Variants in NBAS observed in about 807,000 individuals in gnomAD.
NBAS encodes NBAS subunit of NRZ tethering complex.
In NBAS, 219 loss-of-function variants were observed where a neutral mutation model predicts 302.5. The ratio of observed to expected loss-of-function variants is 0.72; its 90% CI spans 0.65 to 0.81. The LOEUF (loss-of-function observed/expected upper bound fraction) is 0.81. NBAS is among the 30% of genes least tolerant of loss of function. The probability of loss-of-function intolerance (pLI) is 0.00; values close to 1 mark genes in which losing one functional copy is unlikely to be tolerated. For missense variants in NBAS, 2,932 were observed against 2,841.6 expected (o/e 1.03, Z -0.72); for synonymous variants, 1,118 against 1,021.6 (o/e 1.09, Z -1.80).
At chr2:15,391,879 T>TAAA (rs200344843) in intron 28 of NBAS, among the ~76,000 whole-genome samples, 2 of 126,776 alleles carry the variant, frequency 1.6e-5, no homozygotes, top group Non-Finnish European at 1.7e-5. Context: ...CGTAGCATAC[T>TAAA]AAAAAAAAAA....
chr2:15,141,299 C>T, the NBAS span, among the ~76,000 whole-genome samples: 1 of 152,120 alleles, frequency 6.6e-6, no homozygotes, highest in African/African-American at 2.4e-5. Context: ...TGTATATGAG[C>T]AAATCTTATG....
At chr2:15,528,361 A>G (rs971357613) in intron 9 of NBAS, among the ~76,000 whole-genome samples, 6 of 148,704 alleles carry the variant, frequency 4.0e-5, no homozygotes, top group Non-Finnish European at 7.4e-5. Context: ...GATTTTTAAT[A>G]TATTTTTATA....
chr2:14,805,867 A>G, the NBAS span, among the ~76,000 whole-genome samples: 8 of 152,132 alleles, frequency 5.3e-5, no homozygotes, highest in African/African-American at 1.9e-4. Flanking sequence ...ATATTTGCAG[A>G]GTCTGTCTCC....
intron 26 of NBAS, among the ~76,000 whole-genome samples, chr2:15,400,394 C>A (rs1043709656): frequency 2.0e-5 from 3 of 152,010 alleles, no homozygotes; most frequent in East Asian, 1.9e-4. Context: ...ATAAATCACA[C>A]CTAGTTCCGC....
At chr2:15,039,538 G>A in the NBAS span, among the ~76,000 whole-genome samples, 1 of 152,204 alleles carries the variant, frequency 6.6e-6, no homozygotes, top group Non-Finnish European at 1.5e-5. Flanking sequence ...AAGGGAGTGT[G>A]CACCACAGCT....
intron 44 of NBAS, among the ~76,000 whole-genome samples, chr2:15,241,753 T>A (rs1056682576): frequency 5.9e-5 from 9 of 152,216 alleles, no homozygotes; most frequent in Admixed American, 1.3e-4. Context: ...TGGTTTGTCA[T>A]CTTCCTAATA....
the NBAS span, among the ~76,000 whole-genome samples, chr2:14,928,990 T>A: frequency 6.6e-6 from 1 of 152,176 alleles, no homozygotes; most frequent in African/African-American, 2.4e-5. Context: ...TACCCTTTCA[T>A]CCTCAGTAAG....
intron 43 of NBAS, among the ~76,000 whole-genome samples, chr2:15,276,561 T>TTG (rs1320364736): frequency 1.3e-5 from 2 of 152,144 alleles, no homozygotes; most frequent in African/African-American, 4.8e-5. Flanking sequence ...ATATAATCAA[T>TTG]GGGAGTAGTG....
At chr2:15,336,201 C>T (rs73914821) in intron 35 of NBAS, among the ~76,000 whole-genome samples, 11,118 of 152,104 alleles carry the variant, frequency 0.073, 483 homozygotes, top group East Asian at 0.11. Context: ...GACAGTATCA[C>T]ACTTCTACCC....
At chr2:15,034,280 G>GA in the NBAS span, among the ~76,000 whole-genome samples, 1 of 100,146 alleles carries the variant, frequency 1.0e-5, no homozygotes, top group Non-Finnish European at 2.1e-5. Flanking sequence ...AAGAAAGAGA[G>GA]AAAGAAAGAA....
chr2:14,918,774 A>G, the NBAS span, among the ~76,000 whole-genome samples: 53,959 of 151,644 alleles, frequency 0.36, 9,753 homozygotes, highest in African/African-American at 0.44. Flanking sequence ...GGAATAGAGA[A>G]GGCTAAGTTT....
chr2:14,937,244 C>T, the NBAS span, among the ~76,000 whole-genome samples: 1 of 152,162 alleles, frequency 6.6e-6, no homozygotes, highest in Non-Finnish European at 1.5e-5. Flanking sequence ...TAGATTGTTA[C>T]AAGTACAGAC....
chr2:15,345,389 A>T (rs969594713), intron 35 of NBAS, among the ~76,000 whole-genome samples: 1 of 152,158 alleles, frequency 6.6e-6, no homozygotes, highest in Non-Finnish European at 1.5e-5. Context: ...AATCATGAAT[A>T]AACTTCCATT....
At chr2:15,559,480 A>G (rs540074210) in intron 1 of NBAS, among the ~76,000 whole-genome samples, 239 of 152,384 alleles carry the variant, frequency 1.6e-3, no homozygotes, top group Admixed American at 2.7e-3. Context: ...AAGATGCACT[A>G]AAGTGCTGTC....
chr2:15,370,871 A>G (rs1006719529), intron 31 of NBAS, among the ~76,000 whole-genome samples: 3 of 152,168 alleles, frequency 2.0e-5, no homozygotes, highest in Admixed American at 1.3e-4. Context: ...GAGATTTTGG[A>G]CTTGAACTTT....
chr2:14,990,281 G>T, the NBAS span, among the ~76,000 whole-genome samples: 97 of 149,986 alleles, frequency 6.5e-4, no homozygotes, highest in African/African-American at 2.3e-3. Flanking sequence ...AAAAAAAGCT[G>T]GGCATGGTGG....
intron 28 of NBAS, among the ~76,000 whole-genome samples, chr2:15,390,624 A>G (rs893201637): frequency 2.0e-5 from 3 of 152,182 alleles, no homozygotes; most frequent in African/African-American, 7.2e-5. Context: ...AATAAAATAG[A>G]TAACTATGTG....
At chr2:14,980,138 G>T in the NBAS span, among the ~76,000 whole-genome samples, 1 of 152,172 alleles carries the variant, frequency 6.6e-6, no homozygotes, top group Non-Finnish European at 1.5e-5. Context: ...TAATGGGAAA[G>T]AAGCCTTTGG....
chr2:14,876,961 C>T, the NBAS span, among the ~76,000 whole-genome samples: 1 of 152,348 alleles, frequency 6.6e-6, no homozygotes, highest in Admixed American at 6.5e-5. Flanking sequence ...GTATCTCCTA[C>T]ATCATCCCAG....
Sources: gnomAD v4.1 joint callset for allele counts (sites outside exome capture counted in the v4.1 genomes callset) on GRCh38, gnomAD v4.1.1 for gene constraint, MANE v1.5 for transcripts, NCBI Gene and HGNC (gene_info 2026-07-23, HGNC 2026-07-21) for gene names.